Variants in IRF4 observed in about 807,000 individuals in gnomAD.
The protein encoded by IRF4 is lymphocyte-specific interferon regulatory factor.
Under a neutral mutation model 55.5 loss-of-function variants are expected in IRF4, and 13 were observed. That is an observed-to-expected ratio of 0.23 (90% CI 0.15 to 0.37). The LOEUF (loss-of-function observed/expected upper bound fraction) is 0.37. Ranked by LOEUF, IRF4 falls within the 10% of genes least tolerant of loss-of-function variation. The pLI, the probability that IRF4 is intolerant of heterozygous loss-of-function variation, is 1.00. For missense variants in IRF4, 397 were observed against 593.8 expected (o/e 0.67, Z 3.44); for synonymous variants, 249 against 240.7 (o/e 1.03, Z -0.32).
At chr6:395,576 C>T (rs775299747) in intron 3 of IRF4, among the ~76,000 whole-genome samples, 20 of 152,254 alleles carry the variant, frequency 1.3e-4, no homozygotes, top group South Asian at 6.2e-4. Flanking sequence ...ATCTGGCTGG[C>T]GGGGTCCTTT....
chr6:402,592 T>A (rs1419997348), intron 7 of IRF4, among the ~76,000 whole-genome samples: 1 of 152,258 alleles, frequency 6.6e-6, no homozygotes, highest in Non-Finnish European at 1.5e-5. Context: ...TGCTTCTTCA[T>A]TCAACTTATT....
Position 407,653 on chromosome 6 carries a change from C to T in IRF4, c.*55C>T, listed in dbSNP as rs866384612. 109 of 1,296,518 alleles carry T rather than the reference C, an allele frequency of 8.4e-5. No individual in the cohort carries two copies. The highest frequency in any genetic ancestry group is 8.2e-4 in the Middle Eastern group (4 of 4,870). The allele number at this position is 1,296,518 out of a possible 1,614,324, so 80.3% of individuals were successfully genotyped here. A position where few individuals can be genotyped will look rare whatever the true frequency, so the allele number is the denominator to read the frequency against. On this transcript the variant is annotated 3_prime_UTR_variant, in exon 9 of 9. Transcript: ENST00000380956. ...CCTTTTTTTTTTTTTTTTTTTGATA[C>T]GGGGATACGGGGTCTTGCTCTGTCT...
chr6:401,963 G>A (rs890625947), intron 7 of IRF4, 186 bp downstream of exon 7: 10 of 603,790 alleles, frequency 1.7e-5, no homozygotes, highest in East Asian at 5.5e-5. Flanking sequence ...CAGAGAGTCC[G>A]GATCAGATGG....
At chr6:394,092 C>T (rs1433188614) in intron 2 of IRF4, among the ~76,000 whole-genome samples, 1 of 152,174 alleles carries the variant, frequency 6.6e-6, no homozygotes, top group South Asian at 2.1e-4. Context: ...GCCCAGCCCC[C>T]ACCTGTGGGC....
In IRF4 at chr6:393,429, G is replaced by A. The variant is rs1761173582; in HGVS notation, c.216+61G>A. The A allele has an allele frequency of 1.7e-6, 2 of 1,161,958 alleles. No homozygotes were observed. Among genetic ancestry groups the A allele is most frequent in the Admixed American group, 3.4e-5 (1 of 29,710 alleles). The allele number at this position is 1,161,958 out of a possible 1,614,324, so 72.0% of individuals were successfully genotyped here. ...GGAGGGCCCAGAGACAGAGCCCGGG[G>A]TCCCCGGCGCCGCCTCCGAGGCGAG... is the stretch of plus-strand genomic sequence containing the variant. On this transcript the variant is annotated intron_variant, in intron 2 of 8. Coordinates refer to ENST00000380956, the MANE Select transcript of IRF4 (RefSeq NM_002460.4). The surrounding 1 kb of genome is among the most constrained non-coding windows in gnomAD (Gnocchi z 5.4).
Position 396,146 on chromosome 6 carries a change from G to A in IRF4, c.492+211G>A, listed in dbSNP as rs72838757. The A allele has an allele frequency of 4.6e-3, 2,540 of 557,640 alleles. 18 individuals are homozygous for A. Among genetic ancestry groups the A allele is most frequent in the Middle Eastern group, 6.2e-3 (13 of 2,112 alleles). 34.5% of individuals were successfully genotyped at this position (557,640 alleles called of 1,614,324 possible). A position where few individuals can be genotyped will look rare whatever the true frequency, so the allele number is the denominator to read the frequency against. ...GATTTTAAGTTGGGGAGGGTCGGGC[G>A]TGTCCGCCTGTTGGAATATGCTTCT... is the stretch of plus-strand genomic sequence containing the variant. On this transcript the variant is annotated intron_variant, in intron 4 of 8. Coordinates refer to ENST00000380956, the MANE Select transcript of IRF4 (RefSeq NM_002460.4).
intron 8 of IRF4, among the ~76,000 whole-genome samples, chr6:406,315 G>A (rs549525949): frequency 1.8e-4 from 28 of 152,344 alleles, no homozygotes; most frequent in African/African-American, 6.5e-4. Flanking sequence ...AGGCTGAGGC[G>A]GGCAGATCAT....
rs11755347 is a variant in IRF4, at chr6:398,783, G to A, written c.638-45G>A. ...ACCCCAGGAAGCCCCGCGGTGCGTC[G>A]GACTCTCTGTCTAGACATCATCTGA... is the stretch of plus-strand genomic sequence containing the variant. On this transcript the variant is annotated intron_variant, in intron 5 of 8. Coordinates refer to ENST00000380956, the MANE Select transcript of IRF4 (RefSeq NM_002460.4). 10,089 of 1,454,178 alleles carry A rather than the reference G, an allele frequency of 6.9e-3. 79 individuals carry two copies. Among genetic ancestry groups the A allele is most frequent in the African/African-American group, 0.034 (2,461 of 71,942 alleles). 90.1% of individuals were successfully genotyped at this position (1,454,178 alleles called of 1,614,324 possible).
chr6:399,701 T>C (rs1489514881), intron 6 of IRF4, among the ~76,000 whole-genome samples: 1 of 152,318 alleles, frequency 6.6e-6, no homozygotes, highest in South Asian at 2.1e-4. Context: ...CTGGCATCTT[T>C]AAAAATCAGT....
chr6:404,231 G>A (rs1165885543), intron 7 of IRF4, among the ~76,000 whole-genome samples: 1 of 152,206 alleles, frequency 6.6e-6, no homozygotes, highest in African/African-American at 2.4e-5. Flanking sequence ...ACAGGGGAGG[G>A]AGCATGGGCT....
rs1242470079 is a variant in IRF4, at chr6:408,971, A to G, written c.*1373A>G. 1 of 227,020 alleles carries G rather than the reference A, an allele frequency of 4.4e-6. No homozygotes were observed. The highest frequency in any genetic ancestry group is 2.2e-5 in the African/African-American group (1 of 45,060). The allele number at this position is 227,020 out of a possible 1,614,324, so 14.1% of individuals were successfully genotyped here. On this transcript the variant is annotated 3_prime_UTR_variant, in exon 9 of 9. Coordinates refer to ENST00000380956, the MANE Select transcript of IRF4 (RefSeq NM_002460.4). ...GACCTCCACTTGCTTAAGTATACCT[A>G]TCACTTACATTTTTGTGGTTTTGAG...
In IRF4 at chr6:397,187, C is replaced by A; in HGVS notation, c.572C>A (p.Pro191Gln). The A allele has an allele frequency of 6.2e-7, 1 of 1,614,284 alleles. No homozygotes were observed. Among genetic ancestry groups the A allele is most frequent in the Non-Finnish European group, 8.5e-7 (1 of 1,180,052 alleles). Residue 191 changes from proline to glutamine, a missense_variant, in exon 5 of 9, where the codon CCG (proline) becomes CAG (glutamine). By Grantham distance (76) the Pro-to-Gln change is moderately conservative. Around this residue, in one of 3 missense-constraint regions of IRF4, gnomAD observed 341 missense variants for 548.1 expected, o/e 0.62. Transcript: ENST00000380956. ...CCGGATCAGCCACACCCGGAAATCC[C>A]GTACCAATGTCCCATGACGTTTGGA... ...YVPDQPHPEI[P>Q]YQCPMTFGPR...
intron 8 of IRF4, among the ~76,000 whole-genome samples, chr6:406,329 G>A (rs1761541841): frequency 6.6e-6 from 1 of 152,174 alleles, no homozygotes; most frequent in Admixed American, 6.5e-5. Context: ...AGATCATGTG[G>A]TCAGGAGTTC....
At chr6:392,954 G>A in intron 1 of IRF4, 144 bp from the exon 2 acceptor site, 1 of 505,732 alleles carries the variant, frequency 2.0e-6, no homozygotes, top group Non-Finnish European at 3.4e-6. Flanking sequence ...CCTTCTTCCG[G>A]GGGCCCGGAC....
At chr6:396,007 A>G (rs1391417813) in intron 4 of IRF4, 72 bp downstream of exon 4, 19 of 1,228,626 alleles carry the variant, frequency 1.5e-5, no homozygotes, top group Non-Finnish European at 7.1e-6. Flanking sequence ...CCAGAGAACC[A>G]CAGCAGCCCA....
At chr6:399,167 G>GA (rs1262593141) in intron 6 of IRF4, among the ~76,000 whole-genome samples, 5 of 152,324 alleles carry the variant, frequency 3.3e-5, no homozygotes, top group Non-Finnish European at 5.9e-5. Flanking sequence ...CCACTGGCTT[G>GA]AATGGAGTCA....
Position 409,734 on chromosome 6 carries a change from G to A in IRF4, c.*2136G>A. ...ATATTAAGAACTGCTGTTTCACGGG[G>A]CCCTTACCTGTGACCCTCTTTGCTG... On this transcript the variant is annotated 3_prime_UTR_variant, in exon 9 of 9. Coordinates refer to ENST00000380956, the MANE Select transcript of IRF4 (RefSeq NM_002460.4). 1 of 228,300 alleles carries A rather than the reference G, an allele frequency of 4.4e-6. No individual in the cohort carries two copies. The highest frequency in any genetic ancestry group is 5.7e-5 in the Admixed American group (1 of 17,570). 14.1% of individuals were successfully genotyped at this position (228,300 alleles called of 1,614,324 possible).
intron 4 of IRF4, 162 bp downstream of exon 4, chr6:396,097 C>T: frequency 1.6e-6 from 1 of 607,622 alleles, no homozygotes. Context: ...GTCTCACTTT[C>T]CACACGGTGC....
rs577402328 is a variant in IRF4 at position 399,100 on chromosome 6, T to A, written c.745+165T>A. Among the ~76,000 whole-genome samples, 12 of 152,324 alleles carry A rather than the reference T, an allele frequency of 7.9e-5. No individual in the cohort carries two copies. The South Asian group carries it at 2.5e-3, about 32-fold the overall frequency. On this transcript the variant is annotated intron_variant, in intron 6 of 8. Coordinates refer to ENST00000380956, the MANE Select transcript of IRF4 (RefSeq NM_002460.4). ...TGTGTGTGAGGTGACCAGGGTGATT[T>A]AGGAGCACCATTAGAAAACCTGACA... is the stretch of plus-strand genomic sequence containing the variant.
Sources: allele counts gnomAD v4.1 joint callset (sites outside exome capture counted in the v4.1 genomes callset), GRCh38; gene constraint gnomAD v4.1.1; regional missense constraint gnomAD v4.1.1; non-coding constraint Gnocchi (gnomAD v3.1); transcripts MANE v1.5; gene names NCBI Gene and HGNC (gene_info 2026-07-23, HGNC 2026-07-21).